Variants in ZNF569 observed in about 807,000 individuals in gnomAD.
ZNF569 encodes DNA-binding protein.
In ZNF569, 38 loss-of-function variants were observed where a neutral mutation model predicts 56.3. The observed-to-expected ratio is 0.68, with a 90% CI of 0.52 to 0.88. The LOEUF (loss-of-function observed/expected upper bound fraction) is 0.88. Among genes scored for constraint, ZNF569 ranks in the 40% least tolerant of loss-of-function variants. The pLI is 0.00. For missense variants in ZNF569, 666 were observed against 809.2 expected, an observed-to-expected ratio of 0.82 and a Z score of 2.15; for synonymous variants, 241 against 262.9, an observed-to-expected ratio of 0.92 and a Z score of 0.81.
rs1355463526 is a variant in ZNF569, at chr19:37,414,155, T to C, written c.503A>G (p.Asn168Ser). 3 of 1,613,724 alleles carry C rather than the reference T, an allele frequency of 1.9e-6. No homozygotes were observed. The highest frequency in any genetic ancestry group is 2.5e-6 in the Non-Finnish European group (3 of 1,179,856). ...CLMRKEHCEY[N>S]EPVKSYGNSS... is the part of the protein sequence containing the mutation. Reference sequence around the variant, plus strand: ...ATTACCATATGATTTCACAGGTTCATTATATTCACAATGCTCCTTTCTCAT... The same window carrying C: ...ATTACCATATGATTTCACAGGTTCACTATATTCACAATGCTCCTTTCTCAT... The change falls in exon 6 of 6, where the codon AAT becomes AGT. Residue 168 changes from asparagine (N) to serine (S), a missense_variant. Coordinates refer to ENST00000316950, the MANE Select transcript of ZNF569 (RefSeq NM_152484.3).
rs949231968 is a variant in ZNF569 at position 37,411,475 on chromosome 19, C to A, written c.*1122G>T. On this transcript the variant is annotated 3_prime_UTR_variant, in exon 6 of 6. Coordinates refer to ENST00000316950, the MANE Select transcript of ZNF569 (RefSeq NM_152484.3). ...ACAATTGATAAAAATTTGTTATATC[C>A]AATTTTGGGCAATACAAACCATGAT... 6.6e-6 allele frequency: 1 copy of A among 151,878 alleles called. No homozygotes were observed. Among genetic ancestry groups the A allele is most frequent in the African/African-American group, 2.4e-5 (1 of 41,350 alleles). The allele number at this position is 151,878 out of a possible 1,614,324, so 9.4% of individuals were successfully genotyped here.
chr19:37,455,817 A>G (rs553527441), intron 2 of ZNF569, among the ~76,000 whole-genome samples: 35 of 152,314 alleles, frequency 2.3e-4, no homozygotes, highest in African/African-American at 7.7e-4. Context: ...AAAGAAGGAT[A>G]TAAGGGCTGG....
intron 2 of ZNF569, among the ~76,000 whole-genome samples, chr19:37,445,534 T>C (rs935968591): frequency 3.3e-5 from 5 of 152,110 alleles, no homozygotes; most frequent in Non-Finnish European, 5.9e-5. Flanking sequence ...GACATGATTG[T>C]ATACCTGGAA....
Position 37,413,277 on chromosome 19 carries a change from T to A in ZNF569, c.1381A>T (p.Thr461Ser). The change falls in exon 6 of 6, where the codon ACT becomes TCT. Residue 461 changes from threonine (T) to serine (S), a missense_variant. Coordinates refer to ENST00000316950, the MANE Select transcript of ZNF569 (RefSeq NM_152484.3). ...TTACATATATAGGGTTTTTCCCCAG[T>A]ATGAATTCTCTGGTGTCTAACAAGA... Reference protein sequence around the residue: ...SNLVRHQRIHTGEKPYICKEC... With the variant: ...SNLVRHQRIHSGEKPYICKEC... 1 of 1,611,378 alleles carries A rather than the reference T, an allele frequency of 6.2e-7. No individual in the cohort carries two copies. The highest frequency in any genetic ancestry group is 1.1e-5 in the South Asian group (1 of 90,502).
Position 37,412,285 on chromosome 19 carries a change from C to T in ZNF569, c.*312G>A. The stretch of plus-strand genomic sequence containing the variant: ...TAGTTCTTCGTTGATACTTGTTTTC[C>T]TTACTTAATACATTGGCTAGGAGCT... On this transcript the variant is annotated 3_prime_UTR_variant, in exon 6 of 6. Coordinates refer to ENST00000316950, the MANE Select transcript of ZNF569 (RefSeq NM_152484.3). 3 of 247,502 alleles carry T rather than the reference C, an allele frequency of 1.2e-5. No homozygotes were observed. The highest frequency in any genetic ancestry group is 1.6e-4 in the South Asian group (1 of 6,100). The allele number at this position is 247,502 out of a possible 1,614,324, so 15.3% of individuals were successfully genotyped here. A position where few individuals can be genotyped will look rare whatever the true frequency, so the allele number is the denominator to read the frequency against.
intron 5 of ZNF569, among the ~76,000 whole-genome samples, chr19:37,421,561 C>T (rs1034356063): frequency 4.6e-5 from 7 of 152,098 alleles, no homozygotes; most frequent in African/African-American, 1.4e-4. Context: ...GCAGCTTCCT[C>T]ACCTCTAAGC....
intron 2 of ZNF569, among the ~76,000 whole-genome samples, chr19:37,447,927 T>G (rs773660882): frequency 6.6e-5 from 10 of 152,240 alleles, no homozygotes; most frequent in Non-Finnish European, 1.5e-4. Context: ...GAAATTCATC[T>G]CATATTCCCA....
chr19:37,422,030 G>A (rs187504414), intron 5 of ZNF569, among the ~76,000 whole-genome samples: 9 of 152,240 alleles, frequency 5.9e-5, no homozygotes, highest in Middle Eastern at 3.4e-3. Context: ...GATTACAGGC[G>A]TGAGCCACCA....
chr19:37,432,363 C>A (rs1189307762), intron 3 of ZNF569, among the ~76,000 whole-genome samples: 1 of 152,210 alleles, frequency 6.6e-6, no homozygotes, highest in East Asian at 1.9e-4. Context: ...ACAAGAGTCT[C>A]TACCTGGTAA....
At chr19:37,459,841 A>G (rs1050150837) in intron 2 of ZNF569, among the ~76,000 whole-genome samples, 3 of 152,208 alleles carry the variant, frequency 2.0e-5, no homozygotes, top group African/African-American at 4.8e-5. Flanking sequence ...ACTGTTGTAA[A>G]GTTCCTGCAC....
At chr19:37,460,460 C>G (rs2041739442) in intron 2 of ZNF569, among the ~76,000 whole-genome samples, 1 of 150,756 alleles carries the variant, frequency 6.6e-6, no homozygotes, top group Non-Finnish European at 1.5e-5. Flanking sequence ...GATGTTAATC[C>G]AACTACAAAA....
chr19:37,437,861 T>C (rs1270130382), intron 3 of ZNF569, among the ~76,000 whole-genome samples: 1 of 152,144 alleles, frequency 6.6e-6, no homozygotes, highest in Non-Finnish European at 1.5e-5. Flanking sequence ...TGCTCATGGG[T>C]TGGAAGGATC....
intron 2 of ZNF569, among the ~76,000 whole-genome samples, chr19:37,446,121 G>A (rs541686512): frequency 1.3e-5 from 2 of 152,260 alleles, no homozygotes; most frequent in South Asian, 2.1e-4. Flanking sequence ...CAATGGAACA[G>A]AATAGAAAAC....
intron 3 of ZNF569, among the ~76,000 whole-genome samples, chr19:37,441,330 A>C (rs983799318): frequency 6.6e-6 from 1 of 152,154 alleles, no homozygotes; most frequent in African/African-American, 2.4e-5. Context: ...TGTAGCACAG[A>C]CCCTGAGTAG....
At position 37,428,775 on chromosome 19, in the gene ZNF569, A is replaced by G. The variant is rs534219238; in HGVS notation, c.16-2397T>C. On this transcript the variant is annotated intron_variant, in intron 3 of 5. Transcript: ENST00000316950. ...CTACAACCTCCGTCTCCTGGATTCA[A>G]GTGATTCTCCTGCCTCAGTCTCCCA... 2.6e-5 allele frequency among the ~76,000 whole-genome samples: 4 copies of G among 151,778 alleles called. 1 individual carries two copies. The highest frequency in any genetic ancestry group is 9.7e-5 in the African/African-American group (4 of 41,368).
intron 2 of ZNF569, among the ~76,000 whole-genome samples, chr19:37,464,275 C>T (rs1234463759): frequency 5.9e-5 from 9 of 152,218 alleles, no homozygotes; most frequent in Admixed American, 3.3e-4. Context: ...ATGCAAGCTC[C>T]GCCTCCCGGG....
At chr19:37,424,086 C>CA (rs566022388) in intron 5 of ZNF569, among the ~76,000 whole-genome samples, 10 of 151,972 alleles carry the variant, frequency 6.6e-5, no homozygotes, top group South Asian at 4.2e-4. Flanking sequence ...TGGGAGCTAC[C>CA]AAAAAATCAG....
intron 5 of ZNF569, among the ~76,000 whole-genome samples, chr19:37,417,150 C>T (rs1428966918): frequency 6.6e-6 from 1 of 152,102 alleles, no homozygotes; most frequent in African/African-American, 2.4e-5. Context: ...TCTGGGGATA[C>T]CAGAAGCTGA....
chr19:37,466,749 C>T (rs1033366075), intron 1 of ZNF569: 2 of 152,382 alleles, frequency 1.3e-5, no homozygotes, highest in African/African-American at 2.4e-5. Flanking sequence ...CTTGTATCCA[C>T]AGTTTTTCAT....
Sources: allele counts gnomAD v4.1 joint callset (sites outside exome capture counted in the v4.1 genomes callset), GRCh38; gene constraint gnomAD v4.1.1; transcripts MANE v1.5; gene names NCBI Gene and HGNC (gene_info 2026-07-23, HGNC 2026-07-21).